Variants in EIPR1 observed in about 807,000 individuals in gnomAD.
The protein encoded by EIPR1 is EARP complex and GARP complex interacting protein 1.
Under a neutral mutation model 48.1 loss-of-function variants are expected in EIPR1, and 25 were observed. The ratio of observed to expected loss-of-function variants is 0.52; its 90% CI spans 0.38 to 0.73. EIPR1 has a LOEUF of 0.73. EIPR1 is among the 30% of genes least tolerant of loss of function. The probability of loss-of-function intolerance (pLI) is 0.00; values close to 1 mark genes in which losing one functional copy is unlikely to be tolerated. For synonymous variants in EIPR1, 204 were observed against 201.9 expected (o/e 1.01, Z -0.09); for missense variants, 415 against 506.2 (o/e 0.82, Z 1.73).
rs1352779240 is a variant in EIPR1 at position 3,312,544 on chromosome 2, C to G, written c.259+25473G>C. 1.3e-5 allele frequency among the ~76,000 whole-genome samples: 2 copies of G among 152,222 alleles called. No individual in the cohort carries two copies. Among genetic ancestry groups the G allele is most frequent in the Non-Finnish European group, 2.9e-5 (2 of 68,036 alleles). Reference sequence around the variant, plus strand: ...CCTCCCAAGGCTCCCTCCCACCACTCAGCACCTGCTCATCATTGTCAGCAT... The same window carrying G: ...CCTCCCAAGGCTCCCTCCCACCACTGAGCACCTGCTCATCATTGTCAGCAT... On this transcript the variant is annotated intron_variant, in intron 3 of 8. Transcript: ENST00000382125. This position sits in a 1 kb window ranked among gnomAD's most constrained non-coding sequence, Gnocchi z 5.5.
rs1178847141 is a variant in EIPR1, at chr2:3,286,869, C to A, written c.260-29414G>T. On this transcript the variant is annotated intron_variant, in intron 3 of 8. Coordinates refer to ENST00000382125, the MANE Select transcript of EIPR1 (RefSeq NM_003310.5). The surrounding 1 kb of genome is among the most constrained non-coding windows in gnomAD (Gnocchi z 4.2). ...CCGGCAGAGGGGGCTGTGGGGAGCACACAGAGTGCCAGCCAGCAGAGGGGG... is the reference window on the plus strand; with the variant it reads ...CCGGCAGAGGGGGCTGTGGGGAGCAAACAGAGTGCCAGCCAGCAGAGGGGG... 6.6e-6 allele frequency among the ~76,000 whole-genome samples: 1 copy of A among 151,446 alleles called. No individual in the cohort carries two copies. The highest frequency in any genetic ancestry group is 2.4e-5 in the African/African-American group (1 of 40,928).
intron 4 of EIPR1, among the ~76,000 whole-genome samples, chr2:3,216,590 C>G (rs926481179): frequency 7.9e-5 from 12 of 152,230 alleles, no homozygotes; most frequent in African/African-American, 2.9e-4. Context: ...GTTATCCACA[C>G]TTTCCCACAG....
intron 3 of EIPR1, among the ~76,000 whole-genome samples, chr2:3,296,007 T>TGC (rs1219783754): frequency 1.8e-5 from 1 of 56,282 alleles, no homozygotes; most frequent in Non-Finnish European, 3.4e-5. Flanking sequence ...ATCCTCTCTC[T>TGC]ACACACCCTC....
At chr2:3,366,128 CA>C (rs1441257174) in intron 1 of EIPR1, among the ~76,000 whole-genome samples, 1 of 152,050 alleles carries the variant, frequency 6.6e-6, no homozygotes, top group Non-Finnish European at 1.5e-5. Flanking sequence ...GCCAACATGG[CA>C]AAACCCTGTC....
intron 3 of EIPR1, among the ~76,000 whole-genome samples, chr2:3,265,405 T>C (rs1298297796): frequency 6.6e-6 from 1 of 152,174 alleles, no homozygotes; most frequent in Admixed American, 6.5e-5. Flanking sequence ...GCTCTGAAAC[T>C]CTGAGGATTT....
At chr2:3,306,399 T>C (rs552578091) in intron 3 of EIPR1, among the ~76,000 whole-genome samples, 24 of 152,342 alleles carry the variant, frequency 1.6e-4, no homozygotes, top group African/African-American at 5.5e-4. Context: ...CTTTTTGTCA[T>C]AAGAAGTTTG....
At chr2:3,313,013 G>A (rs1267861570) in intron 3 of EIPR1, among the ~76,000 whole-genome samples, 1 of 152,154 alleles carries the variant, frequency 6.6e-6, no homozygotes, top group East Asian at 1.9e-4. Flanking sequence ...TGCACACTTC[G>A]CACCTCAGCT....
At chr2:3,315,161 C>T (rs563817485) in intron 3 of EIPR1, among the ~76,000 whole-genome samples, 1,309 of 3,006 alleles carry the variant, frequency 0.44, 64 homozygotes, top group South Asian at 0.52. Flanking sequence ...CCATGCCTAC[C>T]ATCATCACCA....
chr2:3,230,545 G>A (rs889942186), intron 4 of EIPR1, among the ~76,000 whole-genome samples: 3 of 152,124 alleles, frequency 2.0e-5, no homozygotes, highest in Non-Finnish European at 4.4e-5. Context: ...TTCAGATTTT[G>A]GAGCATATAG....
At chr2:3,230,088 G>A (rs539306565) in intron 4 of EIPR1, among the ~76,000 whole-genome samples, 2 of 152,104 alleles carry the variant, frequency 1.3e-5, no homozygotes, top group South Asian at 4.1e-4. Flanking sequence ...TGTTATCAAT[G>A]GTTTATAGTT....
intron 4 of EIPR1, among the ~76,000 whole-genome samples, chr2:3,218,054 A>C (rs10192693): frequency 0.91 from 133,390 of 146,202 alleles, 61,011 homozygotes; most frequent in East Asian, 0.97. Context: ...GAGCATTCAC[A>C]GTGAGTCAGG....
At chr2:3,287,825 C>T (rs1200180378) in intron 3 of EIPR1, among the ~76,000 whole-genome samples, 1 of 150,702 alleles carries the variant, frequency 6.6e-6, no homozygotes, top group Admixed American at 6.6e-5. Flanking sequence ...ATTCACCATG[C>T]TCCAGAAAGC....
chr2:3,195,671 G>C (rs908777276), intron 6 of EIPR1, among the ~76,000 whole-genome samples: 4 of 152,138 alleles, frequency 2.6e-5, no homozygotes, highest in Non-Finnish European at 4.4e-5. Context: ...ATTAACTAAA[G>C]GTTACTGCAT....
chr2:3,294,262 C>T (rs1668459379), intron 3 of EIPR1, among the ~76,000 whole-genome samples: 1 of 151,858 alleles, frequency 6.6e-6, no homozygotes, highest in African/African-American at 2.4e-5. Flanking sequence ...CACACACCCT[C>T]CATCCAGCCC....
chr2:3,335,135 G>A (rs1670005147), intron 3 of EIPR1, among the ~76,000 whole-genome samples: 1 of 152,236 alleles, frequency 6.6e-6, no homozygotes, highest in South Asian at 2.1e-4. Flanking sequence ...CGAGAGCCCT[G>A]ACACAGCCTG....
chr2:3,337,241 A>G (rs1670095672), intron 3 of EIPR1, among the ~76,000 whole-genome samples: 1 of 152,176 alleles, frequency 6.6e-6, no homozygotes, highest in South Asian at 2.1e-4. Context: ...GAGCCATGCA[A>G]TCCCTACACA....
At chr2:3,310,489 T>C (rs1267359419) in intron 3 of EIPR1, among the ~76,000 whole-genome samples, 2 of 139,318 alleles carry the variant, frequency 1.4e-5, no homozygotes, top group Admixed American at 6.9e-5. Context: ...CCGTCTCTAC[T>C]AAAAATACAA....
intron 5 of EIPR1, among the ~76,000 whole-genome samples, chr2:3,211,605 G>A (rs1312603430): frequency 3.3e-5 from 5 of 152,140 alleles, no homozygotes; most frequent in Admixed American, 6.5e-5. Context: ...CCTCTGATTA[G>A]AAACTTTCCA....
intron 4 of EIPR1, among the ~76,000 whole-genome samples, chr2:3,256,858 C>T (rs1041149809): frequency 1.3e-5 from 2 of 152,244 alleles, no homozygotes; most frequent in African/African-American, 4.8e-5. Context: ...CACGGGCGGG[C>T]TTGGGCACGC....
Sources: gnomAD v4.1 joint callset for allele counts (sites outside exome capture counted in the v4.1 genomes callset) on GRCh38, gnomAD v4.1.1 for gene constraint, Gnocchi (gnomAD v3.1) non-coding constraint, MANE v1.5 for transcripts, NCBI Gene and HGNC (gene_info 2026-07-23, HGNC 2026-07-21) for gene names.